Variants in PRKN observed in about 807,000 individuals in gnomAD.
The protein encoded by PRKN is parkin RBR E3 ubiquitin protein ligase, also known as E3 ubiquitin-protein ligase parkin.
In PRKN, 56 loss-of-function variants were observed where a neutral mutation model predicts 59.5. That is an observed-to-expected ratio of 0.94 (90% CI 0.76 to 1.18). The LOEUF (loss-of-function observed/expected upper bound fraction) is 1.18, where lower values mean the gene tolerates loss of function less well. Ranked by LOEUF, PRKN falls within the 50% of genes most tolerant of loss-of-function variation. PRKN has a pLI of 0.00. For missense variants in PRKN, 657 were observed against 596.4 expected, an observed-to-expected ratio of 1.10 and a Z score of -1.06; for synonymous variants, 250 against 222.1, an observed-to-expected ratio of 1.13 and a Z score of -1.12.
intron 7 of PRKN, among the ~76,000 whole-genome samples, chr6:161,715,913 A>G (rs979812445): frequency 6.6e-6 from 1 of 152,212 alleles, no homozygotes; most frequent in Non-Finnish European, 1.5e-5. Flanking sequence ...CATCAGCAAC[A>G]TCTATGAATT....
intron 2 of PRKN, among the ~76,000 whole-genome samples, chr6:162,404,230 T>C (rs547096057): frequency 2.6e-5 from 4 of 151,812 alleles, no homozygotes; most frequent in Non-Finnish European, 4.4e-5. Flanking sequence ...AATTAGCCGA[T>C]GTGGTGGCAT....
At position 162,096,676 on chromosome 6, in the gene PRKN, T is replaced by A. The variant is rs146124226; in HGVS notation, c.535-42502A>T. Among the ~76,000 whole-genome samples the A allele has an allele frequency of 2.9e-3, 449 of 152,244 alleles. 6 individuals carry two copies. In the East Asian group the frequency reaches 0.045, roughly 15 times the overall value. On this transcript the variant is annotated intron_variant, in intron 4 of 11. Transcript: ENST00000366898. ...TTCCCCTTTCGCTTGGTTCTCATTC[T>A]CTTTTGCCTGCCGCCATGTAAGATG...
At chr6:162,557,071 T>G (rs1779637666) in intron 1 of PRKN, among the ~76,000 whole-genome samples, 1 of 152,188 alleles carries the variant, frequency 6.6e-6, no homozygotes, top group Non-Finnish European at 1.5e-5. Flanking sequence ...CTACCCATAC[T>G]CAGGAAACCC....
intron 9 of PRKN, among the ~76,000 whole-genome samples, chr6:161,512,578 T>G (rs1042766910): frequency 2.6e-5 from 4 of 152,198 alleles, no homozygotes; most frequent in African/African-American, 9.7e-5. Flanking sequence ...ACACCTGGCT[T>G]GGACTGAAAT....
chr6:161,952,387 G>A (rs1780023215), intron 6 of PRKN, among the ~76,000 whole-genome samples: 1 of 152,160 alleles, frequency 6.6e-6, no homozygotes, highest in Non-Finnish European at 1.5e-5. Context: ...GGAAGCCAAG[G>A]TGGGCAGATC....
chr6:162,239,213 T>A (rs1020758741), intron 3 of PRKN, among the ~76,000 whole-genome samples: 2 of 152,136 alleles, frequency 1.3e-5, no homozygotes, highest in African/African-American at 4.8e-5. Flanking sequence ...GAACTACATT[T>A]GTCCACAAGC....
At chr6:162,206,070 T>C (rs551499635) in intron 3 of PRKN, among the ~76,000 whole-genome samples, 2 of 152,066 alleles carry the variant, frequency 1.3e-5, no homozygotes, top group East Asian at 3.9e-4. Context: ...GGCACTGGGG[T>C]AGGACAGAAA....
At chr6:162,569,277 C>G (rs1400521769) in intron 1 of PRKN, 1 of 595,290 alleles carries the variant, frequency 1.7e-6, no homozygotes, top group East Asian at 3.4e-5. Context: ...CTGGAGGCCA[C>G]CATCGCAGAT....
chr6:161,766,684 C>T (rs1789437266), intron 7 of PRKN, among the ~76,000 whole-genome samples: 2 of 152,100 alleles, frequency 1.3e-5, no homozygotes, highest in South Asian at 2.1e-4. Flanking sequence ...GTGTGTCTTG[C>T]AGAGCCATTA....
At chr6:161,513,212 T>C (rs1048123108) in intron 9 of PRKN, among the ~76,000 whole-genome samples, 7 of 152,200 alleles carry the variant, frequency 4.6e-5, no homozygotes, top group African/African-American at 1.7e-4. Context: ...ATATTCCCAT[T>C]TGAGCTTAAA....
intron 2 of PRKN, among the ~76,000 whole-genome samples, chr6:162,437,910 G>A (rs1371771871): frequency 6.6e-6 from 1 of 152,146 alleles, no homozygotes; most frequent in Admixed American, 6.5e-5. Context: ...ATTTGTGTGT[G>A]TACCTACGTC....
At chr6:161,923,083 G>A (rs1268136628) in intron 6 of PRKN, among the ~76,000 whole-genome samples, 2 of 152,194 alleles carry the variant, frequency 1.3e-5, no homozygotes, top group Non-Finnish European at 2.9e-5. Flanking sequence ...CCCTGTTCCT[G>A]ATCTCAGCAG....
chr6:162,568,470 G>A (rs1453236434), intron 1 of PRKN: 3 of 639,856 alleles, frequency 4.7e-6, no homozygotes, highest in Non-Finnish European at 2.9e-6. Flanking sequence ...AGGCTCTGGT[G>A]GGGCCGGCGG....
intron 7 of PRKN, among the ~76,000 whole-genome samples, chr6:161,669,565 C>T (rs1015940295): frequency 2.0e-5 from 3 of 152,220 alleles, no homozygotes; most frequent in African/African-American, 7.2e-5. Context: ...AAGGATTGTT[C>T]TTCAAGGGTC....
intron 5 of PRKN, among the ~76,000 whole-genome samples, chr6:162,035,513 C>T (rs1298833179): frequency 6.6e-6 from 1 of 152,136 alleles, no homozygotes; most frequent in Non-Finnish European, 1.5e-5. Flanking sequence ...ATATGCTTAA[C>T]TTAGGTGTTA....
Position 161,355,392 on chromosome 6 carries a change from G to T in PRKN, c.1285+4696C>A, listed in dbSNP as rs983661305. Among the ~76,000 whole-genome samples, 17 of 152,146 alleles carry T rather than the reference G, an allele frequency of 1.1e-4. No individual in the cohort carries two copies. Among genetic ancestry groups the T allele is most frequent in the African/African-American group, 3.9e-4 (16 of 41,444 alleles). On this transcript the variant is annotated intron_variant, in intron 11 of 11. Transcript: ENST00000366898. This position sits in a 1 kb window ranked among gnomAD's most constrained non-coding sequence, Gnocchi z 6.8. ...TCTAAACTTTACAAGCTAAGTTTTT[G>T]TGTGTTTGTGTTTTATTTATTCTTT... is the stretch of plus-strand genomic sequence containing the variant.
chr6:161,694,657 C>T (rs1419264451), intron 7 of PRKN, among the ~76,000 whole-genome samples: 1 of 152,172 alleles, frequency 6.6e-6, no homozygotes, highest in African/African-American at 2.4e-5. Context: ...ATCTAACTGT[C>T]CAAATCCCTT....
intron 9 of PRKN, among the ~76,000 whole-genome samples, chr6:161,535,761 C>T (rs989173769): frequency 6.6e-6 from 1 of 152,098 alleles, no homozygotes; most frequent in East Asian, 1.9e-4. Context: ...AGCCACCTTG[C>T]ACCATGTAGA....
At chr6:161,589,889 C>T (rs1005439765) in intron 7 of PRKN, among the ~76,000 whole-genome samples, 2 of 148,688 alleles carry the variant, frequency 1.3e-5, no homozygotes, top group African/African-American at 5.0e-5. Flanking sequence ...AAATGATTTT[C>T]CTGCAGCAGC....
Sources: allele counts gnomAD v4.1 joint callset (sites outside exome capture counted in the v4.1 genomes callset), GRCh38; gene constraint gnomAD v4.1.1; non-coding constraint Gnocchi (gnomAD v3.1); transcripts MANE v1.5; gene names NCBI Gene and HGNC (gene_info 2026-07-23, HGNC 2026-07-21).